The following NUMBL variants were observed in gnomAD, a reference collection of about 807,000 sequenced individuals.
The protein encoded by NUMBL is numb-like protein.
A neutral mutation model predicts 48.9 loss-of-function variants in NUMBL; 20 were observed. That is an observed-to-expected ratio of 0.41 (90% CI 0.29 to 0.59). NUMBL has a LOEUF of 0.59. Among genes scored for constraint, NUMBL ranks in the 20% least tolerant of loss-of-function variants. The pLI is 0.31. For synonymous variants in NUMBL, 340 were observed against 348.7 expected (o/e 0.98, Z 0.28); for missense variants, 660 against 846.2 (o/e 0.78, Z 2.73).
chr19:40,680,812 G>T, intron 6 of NUMBL, 105 bp downstream of exon 6: 1 of 1,261,482 alleles, frequency 7.9e-7, no homozygotes, highest in Non-Finnish European at 1.1e-6. Flanking sequence ...AGGAAACTGG[G>T]CACACAGAGG....
intron 6 of NUMBL, among the ~76,000 whole-genome samples, chr19:40,678,830 C>T (rs748723821): frequency 1.3e-5 from 2 of 152,180 alleles, no homozygotes; most frequent in East Asian, 1.9e-4. Context: ...TGACTGCAGT[C>T]GCTCACACCT....
Position 40,687,280 on chromosome 19 carries a change from T to G in NUMBL, c.25-285A>C, listed in dbSNP as rs2081939972. 6.6e-6 allele frequency among the ~76,000 whole-genome samples: 1 copy of G among 152,176 alleles called. No homozygotes were observed. Among genetic ancestry groups the G allele is most frequent in the African/African-American group, 2.4e-5 (1 of 41,436 alleles). On this transcript the variant is annotated intron_variant, in intron 1 of 9. Coordinates refer to ENST00000252891, the MANE Select transcript of NUMBL (RefSeq NM_004756.5). The surrounding 1 kb of genome is among the most constrained non-coding windows in gnomAD (Gnocchi z 4.6). Reference sequence around the variant, plus strand: ...AGTGGCCTTGCCCTCCAGATGCATGTGCAGGGCTACACACATACGCAGCCA... The same window carrying G: ...AGTGGCCTTGCCCTCCAGATGCATGGGCAGGGCTACACACATACGCAGCCA...
At chr19:40,675,932 C>T (rs1182595381) in intron 7 of NUMBL, among the ~76,000 whole-genome samples, 2 of 151,456 alleles carry the variant, frequency 1.3e-5, no homozygotes, top group African/African-American at 4.9e-5. Context: ...GTGGTGCAAT[C>T]GCAGCTCTCT....
intron 9 of NUMBL, 79 bp from the exon 10 acceptor site, chr19:40,668,217 G>A: frequency 6.7e-7 from 1 of 1,486,752 alleles, no homozygotes. Flanking sequence ...CTGGCATGGT[G>A]TGGGGATCAG....
chr19:40,684,376 C>G, intron 3 of NUMBL, 41 bp downstream of exon 3: 2 of 1,531,254 alleles, frequency 1.3e-6, no homozygotes, highest in South Asian at 1.2e-5. Flanking sequence ...ACAGCGGCCC[C>G]CGTCCCCCTC....
chr19:40,671,374 GT>G (rs780340856), intron 8 of NUMBL, among the ~76,000 whole-genome samples: 207 of 104,296 alleles, frequency 2.0e-3, no homozygotes, highest in Admixed American at 4.8e-3. Context: ...TGACATGTGT[GT>G]GGGGGGGTGC....
chr19:40,667,830 A>G lies in NUMBL; in HGVS notation c.1468T>C (p.Phe490Leu). 1 of 1,590,630 alleles carries G rather than the reference A, an allele frequency of 6.3e-7. No individual in the cohort carries two copies. The highest frequency in any genetic ancestry group is 8.6e-7 in the Non-Finnish European group (1 of 1,168,940). Residue 490 changes from phenylalanine to leucine, a missense_variant, in exon 10 of 10, where the codon TTT becomes CTT. Phe to Leu is a conservative substitution (Grantham distance 22). Around this residue, in one of 3 missense-constraint regions of NUMBL, gnomAD observed 296 missense variants for 339.7 expected, o/e 0.87. Transcript: ENST00000252891. This position sits in a 1 kb window ranked among gnomAD's most constrained non-coding sequence, Gnocchi z 6.1. Reference sequence around the variant, plus strand: ...CCCAAGCCCGGGTAGGCGGGCACAAAAGGGGGCTGCATGTGTGGGGGTGGC... The same window carrying G: ...CCCAAGCCCGGGTAGGCGGGCACAAGAGGGGGCTGCATGTGTGGGGGTGGC... ...FLPPPHMQPPFVPAYPGLGYP... is the reference protein window; with the variant it reads ...FLPPPHMQPPLVPAYPGLGYP...
chr19:40,671,025 G>A (rs1296322837), intron 8 of NUMBL, among the ~76,000 whole-genome samples: 2 of 152,132 alleles, frequency 1.3e-5, no homozygotes, highest in Admixed American at 6.5e-5. Context: ...TGCCCAGGCT[G>A]GAGTGTAGTG....
intron 3 of NUMBL, chr19:40,683,178 G>A (rs1197247740): frequency 1.3e-5 from 8 of 623,148 alleles, no homozygotes; most frequent in Non-Finnish European, 2.0e-5. Flanking sequence ...GCACGTAGTA[G>A]TGATTCCAGT....
At position 40,667,706 on chromosome 19, in the gene NUMBL, G is replaced by A. The variant is rs762547083; in HGVS notation, c.1592C>T (p.Ala531Val). The A allele has an allele frequency of 8.3e-6, 13 of 1,575,208 alleles. No homozygotes were observed. The Admixed American group carries it at 2.2e-4, about 27-fold the overall frequency. ...GGCCCCAGCTTTCCCAAGCAGAGTG[G>A]CAGGCTGAGGCTGGAGCTGGGCGGC... ...CSAAQLQPQP[A>V]TLLGKAGAFP... Residue 531 changes from alanine to valine, a missense_variant, in exon 10 of 10, where the codon GCC (alanine) becomes GTC (valine). This residue lies in a region of NUMBL where 296 missense variants were observed against 339.7 expected (regional missense o/e 0.87). Coordinates refer to ENST00000252891, the MANE Select transcript of NUMBL (RefSeq NM_004756.5). This position sits in a 1 kb window ranked among gnomAD's most constrained non-coding sequence, Gnocchi z 6.1.
chr19:40,677,473 G>T, intron 6 of NUMBL, 52 bp from the exon 7 acceptor site: 1 of 1,529,488 alleles, frequency 6.5e-7, no homozygotes. Flanking sequence ...AGTGCGGACA[G>T]GGGCCAGGGG....
rs765062698 is a variant in NUMBL at position 40,682,986 on chromosome 19, G to A, written c.250-18C>T. 202 of 1,095,878 alleles carry A rather than the reference G, an allele frequency of 1.8e-4. No individual in the cohort carries two copies. The highest frequency in any genetic ancestry group is 3.3e-4 in the South Asian group (21 of 63,112). 67.9% of individuals were successfully genotyped at this position (1,095,878 alleles called of 1,614,324 possible). ...CCCAGGTACTTGGGTTGGAGGGAAT[G>A]GGGGGGGGGACATGAAACAGCACAG... is the stretch of plus-strand genomic sequence containing the variant. On this transcript the variant is annotated intron_variant, in intron 3 of 9. Coordinates refer to ENST00000252891, the MANE Select transcript of NUMBL (RefSeq NM_004756.5). The surrounding 1 kb of genome is among the most constrained non-coding windows in gnomAD (Gnocchi z 4.0).
intron 1 of NUMBL, chr19:40,689,414 G>GCA (rs1293594476): frequency 2.0e-5 from 3 of 153,138 alleles, no homozygotes; most frequent in South Asian, 2.0e-4. Flanking sequence ...ACCACCACAA[G>GCA]CACACACACA....
chr19:40,680,784 T>C, intron 6 of NUMBL, 133 bp downstream of exon 6: 1 of 1,015,850 alleles, frequency 9.8e-7, no homozygotes, highest in Non-Finnish European at 1.5e-6. Context: ...ACCGTGAGTA[T>C]ACTTTCTTCT....
intron 8 of NUMBL, among the ~76,000 whole-genome samples, chr19:40,671,964 G>A (rs1024031091): frequency 2.6e-5 from 4 of 152,166 alleles, no homozygotes; most frequent in African/African-American, 9.6e-5. Flanking sequence ...CACTGCAGCT[G>A]GGCTGAAGCA....
intron 6 of NUMBL, 55 bp from the exon 7 acceptor site, chr19:40,677,476 G>A: frequency 6.6e-7 from 1 of 1,525,724 alleles, no homozygotes; most frequent in Non-Finnish European, 8.9e-7. Context: ...GCGGACAGGG[G>A]CCAGGGGCAC....
intron 9 of NUMBL, 84 bp from the exon 10 acceptor site, chr19:40,668,222 G>A: frequency 6.8e-7 from 1 of 1,479,432 alleles, no homozygotes; most frequent in Non-Finnish European, 9.0e-7. Flanking sequence ...ATGGTGTGGG[G>A]ATCAGAGCAC....
At chr19:40,668,872 C>T (rs1418197384) in intron 9 of NUMBL, among the ~76,000 whole-genome samples, 2 of 152,148 alleles carry the variant, frequency 1.3e-5, no homozygotes, top group Non-Finnish European at 2.9e-5. Context: ...ATAATAGTAT[C>T]CTAACATAGT....
Position 40,682,914 on chromosome 19 carries a change from C to A in NUMBL, c.304G>T (p.Ala102Ser), listed in dbSNP as rs1346588234. The A allele has an allele frequency of 6.2e-7, 1 of 1,613,992 alleles. No individual in the cohort carries two copies. ...CTCACCGCCTTCAGCTTCTTCACCGCATCTTCACACACGTGCATTCCCCGG... is the reference window on the plus strand; with the variant it reads ...CTCACCGCCTTCAGCTTCTTCACCGAATCTTCACACACGTGCATTCCCCGG... The part of the protein sequence containing the change: ...ESRGMHVCED[A>S]VKKLKAMGRK... Residue 102 changes from alanine (A) to serine (S), a missense_variant, in exon 4 of 10, where the codon GCG becomes TCG. Ala to Ser is a moderately conservative substitution (Grantham distance 99). Around this residue, in one of 3 missense-constraint regions of NUMBL, gnomAD observed 278 missense variants for 420.6 expected, o/e 0.66. Transcript: ENST00000252891. The surrounding 1 kb of genome is among the most constrained non-coding windows in gnomAD (Gnocchi z 4.0).
Sources: allele counts gnomAD v4.1 joint callset (sites outside exome capture counted in the v4.1 genomes callset), GRCh38; gene constraint gnomAD v4.1.1; regional missense constraint gnomAD v4.1.1; non-coding constraint Gnocchi (gnomAD v3.1); transcripts MANE v1.5; gene names NCBI Gene and HGNC (gene_info 2026-07-23, HGNC 2026-07-21).